PPP1R9A: variants seen among roughly 807,000 people sequenced by gnomAD.
The protein encoded by PPP1R9A is neurabin-1.
In PPP1R9A, 59 loss-of-function variants were observed where a neutral mutation model predicts 141.9. That is an observed-to-expected ratio of 0.42 (90% CI 0.34 to 0.52). The LOEUF is 0.52. Ranked by LOEUF, PPP1R9A falls within the 20% of genes least tolerant of loss-of-function variation. PPP1R9A has a pLI of 0.10. For missense variants in PPP1R9A, 1,444 were observed against 1,611.9 expected (o/e 0.90, Z 1.78); for synonymous variants, 500 against 569.7 (o/e 0.88, Z 1.74).
chr7:95,069,569 T>A (rs1813471082), intron 2 of PPP1R9A, among the ~76,000 whole-genome samples: 1 of 152,022 alleles, frequency 6.6e-6, no homozygotes, highest in Non-Finnish European at 1.5e-5. Context: ...TTAATAAATA[T>A]TAATATGCCC....
intron 7 of PPP1R9A, 89 bp from the exon 8 acceptor site, chr7:95,225,872 T>C (rs1795078366): frequency 7.2e-7 from 1 of 1,390,764 alleles, no homozygotes; most frequent in Admixed American, 2.2e-5. Context: ...TGGGTACATG[T>C]CTTACTTGTC....
intron 7 of PPP1R9A, among the ~76,000 whole-genome samples, chr7:95,208,249 C>A (rs1791258690): frequency 6.6e-6 from 1 of 152,146 alleles, no homozygotes; most frequent in Non-Finnish European, 1.5e-5. Context: ...ACATAGATTA[C>A]ACTCTAGAAG....
chr7:95,150,688 G>C (rs1255096528), intron 4 of PPP1R9A, among the ~76,000 whole-genome samples: 1 of 152,070 alleles, frequency 6.6e-6, no homozygotes, highest in Non-Finnish European at 1.5e-5. Context: ...TCAAAAACTT[G>C]TGTTTTGTGA....
chr7:94,967,481 C>T (rs1332492673), intron 2 of PPP1R9A, among the ~76,000 whole-genome samples: 7 of 152,124 alleles, frequency 4.6e-5, no homozygotes, highest in Admixed American at 3.3e-4. Flanking sequence ...CTAAACACTG[C>T]TTTAGCTGTG....
chr7:94,953,227 T>C (rs116293322), intron 2 of PPP1R9A, among the ~76,000 whole-genome samples: 2,102 of 152,272 alleles, frequency 0.014, 36 homozygotes, highest in African/African-American at 0.048. Context: ...CCATTACCCA[T>C]TGCTTGTTTC....
chr7:94,911,552 T>C (rs755953838), intron 2 of PPP1R9A, 44 bp downstream of exon 2: 12 of 1,440,922 alleles, frequency 8.3e-6, no homozygotes, highest in Non-Finnish European at 1.0e-5. Context: ...TTGTTTTTAG[T>C]ACTAGGGCCT....
intron 5 of PPP1R9A, among the ~76,000 whole-genome samples, chr7:95,177,065 A>G (rs1833010514): frequency 6.6e-6 from 1 of 152,178 alleles, no homozygotes. Context: ...GCGCATTGTC[A>G]TCAGGTTAAC....
chr7:95,153,710 T>C (rs573580773), intron 4 of PPP1R9A, among the ~76,000 whole-genome samples: 13 of 152,300 alleles, frequency 8.5e-5, no homozygotes, highest in African/African-American at 3.1e-4. Context: ...ATGAGGAGAA[T>C]TGTTGTTAGT....
At chr7:95,203,525 A>G (rs1489296344) in intron 6 of PPP1R9A, 140 bp from the exon 7 acceptor site, 1 of 531,516 alleles carries the variant, frequency 1.9e-6, no homozygotes, top group African/African-American at 1.9e-5. Flanking sequence ...ATTTTTTACC[A>G]ACATGCCGCA....
intron 2 of PPP1R9A, among the ~76,000 whole-genome samples, chr7:95,084,949 C>A (rs925327896): frequency 6.6e-6 from 1 of 151,882 alleles, no homozygotes; most frequent in African/African-American, 2.4e-5. Context: ...TGTGAACTAG[C>A]CAGGTTTTAG....
At chr7:95,168,449 A>G (rs1831598950) in intron 5 of PPP1R9A, among the ~76,000 whole-genome samples, 1 of 152,076 alleles carries the variant, frequency 6.6e-6, no homozygotes. Flanking sequence ...ACTAGAAGGA[A>G]GCATAGAGGA....
chr7:95,031,018 G>A (rs901033629), intron 2 of PPP1R9A, among the ~76,000 whole-genome samples: 8 of 152,096 alleles, frequency 5.3e-5, no homozygotes, highest in East Asian at 1.9e-4. Flanking sequence ...TGTGGGAAAG[G>A]GGTAGTTGGG....
intron 7 of PPP1R9A, among the ~76,000 whole-genome samples, chr7:95,216,979 C>A (rs1793546592): frequency 6.6e-6 from 1 of 152,116 alleles, no homozygotes; most frequent in Admixed American, 6.6e-5. Context: ...TGCCTGATTG[C>A]CCTGGCCAGA....
intron 2 of PPP1R9A, among the ~76,000 whole-genome samples, chr7:94,971,154 T>C (rs1280243899): frequency 6.6e-6 from 1 of 152,144 alleles, no homozygotes; most frequent in Non-Finnish European, 1.5e-5. Context: ...GAAGCCAGTG[T>C]GGTGAGTGCC....
intron 2 of PPP1R9A, among the ~76,000 whole-genome samples, chr7:94,978,552 C>T (rs1052260303): frequency 4.6e-5 from 7 of 152,122 alleles, no homozygotes; most frequent in African/African-American, 7.2e-5. Flanking sequence ...ATTCATTTCT[C>T]GACACTTTTT....
chr7:95,250,352 C>A, intron 10 of PPP1R9A, 97 bp downstream of exon 10: 2 of 1,068,928 alleles, frequency 1.9e-6, no homozygotes, highest in East Asian at 2.6e-5. Flanking sequence ...AAAAGATGAC[C>A]TTAGAGATAT....
intron 2 of PPP1R9A, among the ~76,000 whole-genome samples, chr7:95,017,919 T>A (rs1805337829): frequency 1.3e-5 from 2 of 152,200 alleles, no homozygotes; most frequent in Non-Finnish European, 2.9e-5. Flanking sequence ...CAAAGACATT[T>A]GTATAGTAAA....
At chr7:95,052,764 A>G (rs772128179) in intron 2 of PPP1R9A, among the ~76,000 whole-genome samples, 5 of 152,164 alleles carry the variant, frequency 3.3e-5, no homozygotes, top group Non-Finnish European at 7.3e-5. Flanking sequence ...AGTTATTGGC[A>G]TCAACCAATA....
intron 2 of PPP1R9A, among the ~76,000 whole-genome samples, chr7:95,050,671 AGCCAAGATTGT>A (rs1447545207): frequency 6.6e-6 from 1 of 152,182 alleles, no homozygotes; most frequent in Non-Finnish European, 1.5e-5. Flanking sequence ...GGTTGCAGTG[AGCCAAGATTGT>A]GCCATTGCAC....
Sources: gnomAD v4.1 joint callset for allele counts (sites outside exome capture counted in the v4.1 genomes callset) on GRCh38, gnomAD v4.1.1 for gene constraint, MANE v1.5 for transcripts, NCBI Gene and HGNC (gene_info 2026-07-23, HGNC 2026-07-21) for gene names.